Variants in SCN7A observed in about 807,000 individuals in gnomAD.
The protein encoded by SCN7A is sodium channel protein type 7 subunit alpha.
A neutral mutation model predicts 155.2 loss-of-function variants in SCN7A; 138 were observed. The observed-to-expected ratio is 0.89, with a 90% CI of 0.77 to 1.02. The LOEUF (loss-of-function observed/expected upper bound fraction) is 1.02. SCN7A is among the 50% of genes least tolerant of loss of function. SCN7A has a pLI of 0.00. For missense variants in SCN7A, 2,058 were observed against 1,986.6 expected (o/e 1.04, Z -0.68); for synonymous variants, 693 against 649.0 (o/e 1.07, Z -1.03).
intron 1 of SCN7A, among the ~76,000 whole-genome samples, chr2:166,488,143 T>C (rs1232771957): frequency 6.6e-6 from 1 of 152,230 alleles, no homozygotes; most frequent in Non-Finnish European, 1.5e-5. Context: ...AGCAATTTAG[T>C]GACCAACTTA....
intron 3 of SCN7A, among the ~76,000 whole-genome samples, chr2:166,476,775 C>T (rs1358441107): frequency 1.3e-5 from 2 of 151,952 alleles, no homozygotes; most frequent in African/African-American, 2.4e-5. Context: ...TTTCCTCCTT[C>T]CAGAATCATT....
At chr2:166,409,379 T>A (rs554869950) in intron 25 of SCN7A, among the ~76,000 whole-genome samples, 3 of 151,960 alleles carry the variant, frequency 2.0e-5, no homozygotes, top group Admixed American at 6.6e-5. Context: ...GTGTATATTA[T>A]AGAATGAAGG....
chr2:166,472,239 GC>G, intron 6 of SCN7A, 77 bp downstream of exon 6: 1 of 1,386,758 alleles, frequency 7.2e-7, no homozygotes, highest in Non-Finnish European at 9.6e-7. Context: ...CAAAATCTTT[GC>G]AGACGTCAAT....
At chr2:166,453,971 C>T (rs929009539) in intron 11 of SCN7A, among the ~76,000 whole-genome samples, 1 of 151,910 alleles carries the variant, frequency 6.6e-6, no homozygotes, top group Non-Finnish European at 1.5e-5. Flanking sequence ...TAGGAATCTT[C>T]CAGGAAAAGA....
chr2:166,414,471 A>ATG (rs1279194575), intron 21 of SCN7A: 2 of 138,236 alleles, frequency 1.4e-5, no homozygotes, highest in African/African-American at 2.7e-5. Context: ...GGATATATAT[A>ATG]TATATATATA....
At chr2:166,423,778 A>G (rs766699290) in intron 18 of SCN7A, among the ~76,000 whole-genome samples, 5 of 152,158 alleles carry the variant, frequency 3.3e-5, no homozygotes, top group Non-Finnish European at 5.9e-5. Flanking sequence ...CACATCTGAC[A>G]TGGATCTTAT....
rs1575070845 is a variant in SCN7A, at chr2:166,486,883, G to A, written c.-42C>T. On this transcript the variant is annotated 5_prime_UTR_variant, in exon 2 of 26. Coordinates refer to ENST00000643258, the MANE Select transcript of SCN7A (RefSeq NM_002976.4). Reference sequence around the variant, plus strand: ...GTTGAACAACAGCACTTCTCCAGAAGATCCACACTCTTTTCATATCTTTGG... The same window carrying A: ...GTTGAACAACAGCACTTCTCCAGAAAATCCACACTCTTTTCATATCTTTGG... The A allele has an allele frequency of 6.6e-6, 1 of 152,320 alleles. No homozygotes were observed. Among genetic ancestry groups the A allele is most frequent in the Non-Finnish European group, 1.5e-5 (1 of 68,050 alleles). The allele number at this position is 152,320 out of a possible 1,614,324, so 9.4% of individuals were successfully genotyped here. A position where few individuals can be genotyped will look rare whatever the true frequency, so the allele number is the denominator to read the frequency against.
chr2:166,423,463 G>C, intron 18 of SCN7A, 31 bp from the exon 19 acceptor site: 2 of 1,477,524 alleles, frequency 1.4e-6, no homozygotes, highest in Non-Finnish European at 1.8e-6. Flanking sequence ...ATAAGGATTA[G>C]GTGTACAGGT....
chr2:166,427,994 T>G, intron 17 of SCN7A, 52 bp from the exon 18 acceptor site: 2 of 1,569,366 alleles, frequency 1.3e-6, no homozygotes, highest in Admixed American at 3.5e-5. Flanking sequence ...CATGAAAAAG[T>G]AAACAACTGA....
intron 2 of SCN7A, among the ~76,000 whole-genome samples, chr2:166,478,615 A>G (rs1449144106): frequency 6.6e-6 from 1 of 151,754 alleles, no homozygotes; most frequent in Admixed American, 6.6e-5. Context: ...ATAAAAACTC[A>G]AACTAATTAT....
Position 166,427,781 on chromosome 2 carries a change from C to T in SCN7A, c.2853+7G>A, listed in dbSNP as rs1294528336. The T allele has an allele frequency of 6.2e-7, 1 of 1,602,482 alleles. No homozygotes were observed. Among genetic ancestry groups the T allele is most frequent in the African/African-American group, 1.3e-5 (1 of 74,656 alleles). ...CAAAGTATCAAACACCCTGGCTGCC[C>T]ACTTACCAGAGTGCCAGTGCTGAGC... is the stretch of plus-strand genomic sequence containing the variant. On this transcript the variant is annotated splice_region_variant and intron_variant, in intron 18 of 25. Coordinates refer to ENST00000643258, the MANE Select transcript of SCN7A (RefSeq NM_002976.4).
chr2:166,486,632 G>A (rs1259912711), intron 2 of SCN7A, among the ~76,000 whole-genome samples: 1 of 152,136 alleles, frequency 6.6e-6, no homozygotes, highest in Admixed American at 6.5e-5. Flanking sequence ...GGAGCCAGTG[G>A]CCCAATCCAG....
At chr2:166,413,457 G>A (rs1362035334) in intron 21 of SCN7A, among the ~76,000 whole-genome samples, 1 of 152,066 alleles carries the variant, frequency 6.6e-6, no homozygotes, top group Non-Finnish European at 1.5e-5. Context: ...AGAGACATAA[G>A]AGGAATTGTT....
intron 19 of SCN7A, among the ~76,000 whole-genome samples, chr2:166,422,111 G>C (rs1291041777): frequency 6.6e-6 from 1 of 152,066 alleles, no homozygotes; most frequent in Non-Finnish European, 1.5e-5. Flanking sequence ...TAGAGCTGAA[G>C]GCTAATTTGA....
intron 3 of SCN7A, among the ~76,000 whole-genome samples, chr2:166,475,996 G>T (rs147924470): frequency 3.9e-4 from 60 of 151,950 alleles, no homozygotes; most frequent in African/African-American, 1.4e-3. Flanking sequence ...AGGGTACTCA[G>T]AACTCTGCAG....
intron 1 of SCN7A, among the ~76,000 whole-genome samples, chr2:166,487,764 C>A (rs1703084586): frequency 6.6e-6 from 1 of 151,808 alleles, no homozygotes; most frequent in South Asian, 2.1e-4. Flanking sequence ...GACCATAGAG[C>A]AAGATAATAT....
At chr2:166,481,517 G>C (rs1290266506) in intron 2 of SCN7A, among the ~76,000 whole-genome samples, 4 of 152,104 alleles carry the variant, frequency 2.6e-5, no homozygotes, top group Non-Finnish European at 4.4e-5. Context: ...TTGAAACAGA[G>C]AAAATTGTCA....
At chr2:166,439,024 T>C (rs1459472635) in intron 15 of SCN7A, among the ~76,000 whole-genome samples, 9 of 136,484 alleles carry the variant, frequency 6.6e-5, no homozygotes, top group African/African-American at 1.9e-4. Context: ...TATATATACA[T>C]ACACACACAT....
At position 166,416,996 on chromosome 2, in the gene SCN7A, T is replaced by A; in HGVS notation, c.3136-11A>T. 2 of 1,539,624 alleles carry A rather than the reference T, an allele frequency of 1.3e-6. No individual in the cohort carries two copies. The highest frequency in any genetic ancestry group is 2.1e-5 in the Admixed American group (1 of 46,568). On this transcript the variant is annotated splice_polypyrimidine_tract_variant and intron_variant, in intron 20 of 25. Transcript: ENST00000643258. ...AGCTCTCACAACCACCTGGTATATA[T>A]AAAAAATGTAAACTTTAGATAGGAA...
Sources: gnomAD v4.1 joint callset for allele counts (sites outside exome capture counted in the v4.1 genomes callset) on GRCh38, gnomAD v4.1.1 for gene constraint, MANE v1.5 for transcripts, NCBI Gene and HGNC (gene_info 2026-07-23, HGNC 2026-07-21) for gene names.